Variants in PTRH2 observed in about 807,000 individuals in gnomAD.
PTRH2 encodes peptidyl-tRNA hydrolase 2.
A neutral mutation model predicts 12.3 loss-of-function variants in PTRH2; 10 were observed. The observed-to-expected ratio is 0.81, with a 90% CI of 0.50 to 1.38. The LOEUF is 1.38. Ranked by LOEUF, PTRH2 falls within the 40% of genes most tolerant of loss-of-function variation. The pLI, the probability that PTRH2 is intolerant of heterozygous loss-of-function variation, is 0.00. For synonymous variants in PTRH2, 73 were observed against 77.4 expected, an observed-to-expected ratio of 0.94 and a Z score of 0.30; for missense variants, 176 against 214.1, an observed-to-expected ratio of 0.82 and a Z score of 1.11.
rs1055033699 is a variant in PTRH2 at position 59,703,782 on chromosome 17, G to A, written c.-1+3589C>T. ...CGGCCTCCCAAAGTGCTGGGATTAC[G>A]GGCGTGAGCCACCATGCCCTGCCGA... is the stretch of plus-strand genomic sequence containing the variant. On this transcript the variant is annotated intron_variant, in intron 1 of 1. Transcript: ENST00000393038. 2.5e-3 allele frequency among the ~76,000 whole-genome samples: 336 copies of A among 136,426 alleles called. No individual in the cohort carries two copies. The Middle Eastern group carries it at 0.027, about 11-fold the overall frequency. The allele number at this position is 136,426 out of a possible 152,430, so 89.5% of individuals were successfully genotyped here.
chr17:59,698,112 G>A, intron 1 of PTRH2, 134 bp from the exon 2 acceptor site: 1 of 863,306 alleles, frequency 1.2e-6, no homozygotes, highest in Non-Finnish European at 1.7e-6. Flanking sequence ...TTGATCTTAT[G>A]CCTGCACCCT....
intron 1 of PTRH2, among the ~76,000 whole-genome samples, chr17:59,702,426 A>T (rs924469668): frequency 2.0e-5 from 3 of 152,218 alleles, no homozygotes; most frequent in African/African-American, 7.2e-5. Flanking sequence ...GCTGTCGCTA[A>T]TTAGACGGAG....
At chr17:59,698,328 C>T (rs1277775702) in intron 1 of PTRH2, 2 of 295,528 alleles carry the variant, frequency 6.8e-6, no homozygotes, top group Non-Finnish European at 1.3e-5. Flanking sequence ...TAACCCTTTC[C>T]TGGAATACAG....
rs1356761922 is a variant in PTRH2, at chr17:59,698,491, C to T, written c.1-513G>A. 4 of 218,598 alleles carry T rather than the reference C, an allele frequency of 1.8e-5. No individual in the cohort carries two copies. The Admixed American group carries it at 2.1e-4, about 11-fold the overall frequency. The allele number at this position is 218,598 out of a possible 1,614,324, so 13.5% of individuals were successfully genotyped here. ...CTGAGCAAGGATGCTAAAAACCTTACAAAATGAAGAGTTGTCCCATTGGAC... is the reference window on the plus strand; with the variant it reads ...CTGAGCAAGGATGCTAAAAACCTTATAAAATGAAGAGTTGTCCCATTGGAC... On this transcript the variant is annotated intron_variant, in intron 1 of 1. Transcript: ENST00000393038.
Position 59,697,507 on chromosome 17 carries a change from C to A in PTRH2, c.472G>T (p.Val158Phe). ...GCTGGTCCTGGCCCAATCCCTAGGA[C>A]AGTTTGAGAGCCTGGTGCAATCTGA... ...RTQIAPGSQT[V>F]LGIGPGPADL... Residue 158 changes from valine to phenylalanine, a missense_variant, in exon 2 of 2, where the codon GTC becomes TTC. Coordinates refer to ENST00000393038, the MANE Select transcript of PTRH2 (RefSeq NM_016077.5). 1 of 1,614,182 alleles carries A rather than the reference C, an allele frequency of 6.2e-7. No individual in the cohort carries two copies. The highest frequency in any genetic ancestry group is 8.5e-7 in the Non-Finnish European group (1 of 1,180,036).
intron 1 of PTRH2, 79 bp from the exon 2 acceptor site, chr17:59,698,057 G>T: frequency 1.4e-6 from 2 of 1,402,672 alleles, no homozygotes; most frequent in South Asian, 1.3e-5. Flanking sequence ...GAAACATTTT[G>T]ACTATACACT....
intron 1 of PTRH2, among the ~76,000 whole-genome samples, chr17:59,702,848 A>G (rs978209687): frequency 9.9e-5 from 15 of 152,218 alleles, no homozygotes; most frequent in African/African-American, 2.9e-4. Flanking sequence ...TTTCACCTTC[A>G]GTACAGTATT....
At chr17:59,702,570 T>C (rs1264376154) in intron 1 of PTRH2, among the ~76,000 whole-genome samples, 1 of 152,214 alleles carries the variant, frequency 6.6e-6, no homozygotes, top group African/African-American at 2.4e-5. Flanking sequence ...AAAAGATACC[T>C]GAGCCTTGAC....
intron 1 of PTRH2, chr17:59,700,513 GTTC>G (rs1296022553): frequency 2.0e-5 from 3 of 152,252 alleles, no homozygotes; most frequent in Non-Finnish European, 2.9e-5. Context: ...TTTCCTTTAT[GTTC>G]TTCTTTAAAG....
chr17:59,698,836 T>C (rs1335536611), intron 1 of PTRH2: 2 of 713,768 alleles, frequency 2.8e-6, no homozygotes, highest in South Asian at 1.5e-5. Flanking sequence ...TATTGAATAC[T>C]GTAAGTGGAA....
Position 59,697,792 on chromosome 17 carries a change from C to T in PTRH2, c.187G>A (p.Gly63Arg), listed in dbSNP as rs747089911. Residue 63 changes from glycine to arginine, a missense_variant, in exon 2 of 2, where the codon GGG (glycine) becomes AGG (arginine). Transcript: ENST00000393038. ...ESEASILGDS[G>R]EYKMILVVRN... ...ACCACAAGAATCATCTTGTACTCCC[C>T]GCTGTCTCCCAAGATGCTTGCTTCA... 1.1e-5 allele frequency: 17 copies of T among 1,614,036 alleles called. No homozygotes were observed. Among genetic ancestry groups the T allele is most frequent in the Middle Eastern group, 1.6e-4 (1 of 6,084 alleles).
intron 1 of PTRH2, among the ~76,000 whole-genome samples, chr17:59,701,905 C>T (rs943963004): frequency 2.0e-5 from 3 of 150,642 alleles, no homozygotes; most frequent in African/African-American, 4.9e-5. Context: ...AGGGTTTCAC[C>T]GTGTTAGCCA....
chr17:59,707,240 G>T (rs2033700798), intron 1 of PTRH2, 131 bp downstream of exon 1: 1 of 152,416 alleles, frequency 6.6e-6, no homozygotes, highest in Admixed American at 6.5e-5. Flanking sequence ...GCCCCTGGGC[G>T]GAAGACAGTT....
intron 1 of PTRH2, among the ~76,000 whole-genome samples, chr17:59,701,859 A>AT (rs999977067): frequency 0.15 from 20,658 of 134,080 alleles, 1,909 homozygotes; most frequent in Middle Eastern, 0.26. Flanking sequence ...CACCCGGCTA[A>AT]TTTTTTTTTT....
chr17:59,707,203 C>G (rs2033698919), intron 1 of PTRH2, 168 bp downstream of exon 1: 1 of 152,118 alleles, frequency 6.6e-6, no homozygotes, highest in East Asian at 1.9e-4. Flanking sequence ...AAGGACGGTT[C>G]GCAGAACAGG....
chr17:59,699,203 G>A (rs146639345), intron 1 of PTRH2: 4 of 283,388 alleles, frequency 1.4e-5, no homozygotes, highest in African/African-American at 2.2e-5. Context: ...TTCTTCTAAC[G>A]TGTAGGCCAC....
chr17:59,698,968 C>G, intron 1 of PTRH2: 2 of 699,594 alleles, frequency 2.9e-6, no homozygotes, highest in Non-Finnish European at 5.3e-6. Flanking sequence ...ACAGGGTCCT[C>G]AATTTCTCTC....
chr17:59,705,294 A>T (rs2033620038), intron 1 of PTRH2, among the ~76,000 whole-genome samples: 3 of 152,232 alleles, frequency 2.0e-5, no homozygotes, highest in African/African-American at 7.2e-5. Flanking sequence ...TATGTGCTGG[A>T]TAACATACTA....
chr17:59,698,059 CTA>C, intron 1 of PTRH2, 81 bp from the exon 2 acceptor site: 1 of 1,396,004 alleles, frequency 7.2e-7, no homozygotes, highest in Non-Finnish European at 9.7e-7. Context: ...AACATTTTGA[CTA>C]TACACTTAAT....
Sources: allele counts gnomAD v4.1 joint callset (sites outside exome capture counted in the v4.1 genomes callset), GRCh38; gene constraint gnomAD v4.1.1; transcripts MANE v1.5; gene names NCBI Gene and HGNC (gene_info 2026-07-23, HGNC 2026-07-21).